Variants in PTPN12 observed in about 807,000 individuals in gnomAD.
The protein encoded by PTPN12 is tyrosine-protein phosphatase non-receptor type 12.
In PTPN12, 29 loss-of-function variants were observed where a neutral mutation model predicts 97.6. The ratio of observed to expected loss-of-function variants is 0.30; its 90% confidence interval spans 0.22 to 0.41. The LOEUF is 0.41. Ranked by LOEUF, PTPN12 falls within the 10% of genes least tolerant of loss-of-function variation. PTPN12 has a pLI of 1.00. For synonymous variants in PTPN12, 327 were observed against 300.4 expected (o/e 1.09, Z -0.91); for missense variants, 819 against 926.0 (o/e 0.88, Z 1.50).
intron 12 of PTPN12, 49 bp from the exon 13 acceptor site, chr7:77,626,656 A>T: frequency 6.6e-7 from 1 of 1,517,442 alleles, no homozygotes; most frequent in African/African-American, 1.4e-5. Flanking sequence ...CTCAGGTATC[A>T]ACTTGTTTAA....
intron 7 of PTPN12, 131 bp from the exon 8 acceptor site, chr7:77,600,533 T>C (rs1480875974): frequency 3.0e-6 from 2 of 676,748 alleles, no homozygotes; most frequent in East Asian, 2.8e-5. Context: ...TGGCTATTAT[T>C]TATTTGGGTT....
At position 77,625,468 on chromosome 7, in the gene PTPN12, G is replaced by GCTCGCTCT. The variant is rs1347237628; in HGVS notation, c.1026-1233_1026-1226dup. 2.0e-4 allele frequency among the ~76,000 whole-genome samples: 5 copies of GCTCGCTCT among 24,752 alleles called. 1 individual carries two copies. The highest frequency in any genetic ancestry group is 3.2e-4 in the Non-Finnish European group (5 of 15,582). 16.2% of individuals were successfully genotyped at this position (24,752 alleles called of 152,430 possible). On this transcript the variant is annotated intron_variant, in intron 12 of 17. Coordinates refer to ENST00000248594, the MANE Select transcript of PTPN12 (RefSeq NM_002835.4). Reference sequence around the variant, plus strand: ...AGGGTTTTGCCATATTGCCCAGGCTGCTCGCTCTCTCTCTCTCTCTCTCTC... The same window carrying GCTCGCTCT: ...AGGGTTTTGCCATATTGCCCAGGCTGCTCGCTCTCTCGCTCTCTCTCTCTCTCTCTCTC...
chr7:77,537,333 C>T lies in PTPN12; in HGVS notation c.-214C>T. ...CTCGCCTGGTACTGTGGGAGAGCGG[C>T]GGCTGCTCCTGGAAGTTGTGGTGTC... is the stretch of plus-strand genomic sequence containing the variant. On this transcript the variant is annotated 5_prime_UTR_variant, in exon 1 of 18. Coordinates refer to ENST00000248594, the MANE Select transcript of PTPN12 (RefSeq NM_002835.4). 2 of 506,050 alleles carry T rather than the reference C, an allele frequency of 4.0e-6. No individual in the cohort carries two copies. The highest frequency in any genetic ancestry group is 6.4e-6 in the Non-Finnish European group (2 of 313,484). The allele number at this position is 506,050 out of a possible 1,614,324, so 31.3% of individuals were successfully genotyped here.
chr7:77,586,492 G>C (rs1362622147), intron 5 of PTPN12, among the ~76,000 whole-genome samples: 1 of 152,174 alleles, frequency 6.6e-6, no homozygotes, highest in Non-Finnish European at 1.5e-5. Flanking sequence ...GTGGAGGTGG[G>C]AGGATCACTT....
intron 6 of PTPN12, among the ~76,000 whole-genome samples, chr7:77,597,396 T>TA (rs1788055693): frequency 6.6e-6 from 1 of 152,232 alleles, no homozygotes; most frequent in Non-Finnish European, 1.5e-5. Flanking sequence ...GTGCTGGAAT[T>TA]ACAGGCATGA....
intron 11 of PTPN12, among the ~76,000 whole-genome samples, chr7:77,614,436 G>A (rs1009988054): frequency 4.6e-5 from 7 of 152,122 alleles, no homozygotes; most frequent in African/African-American, 1.2e-4. Context: ...CTTTGTAGGA[G>A]ATGAGATGAA....
intron 12 of PTPN12, among the ~76,000 whole-genome samples, chr7:77,623,637 G>A (rs1260034655): frequency 6.6e-6 from 1 of 152,222 alleles, no homozygotes; most frequent in African/African-American, 2.4e-5. Context: ...CTTGAACCTG[G>A]GAGGCGGCGG....
At chr7:77,611,923 T>C (rs1483296150) in intron 11 of PTPN12, among the ~76,000 whole-genome samples, 1 of 152,108 alleles carries the variant, frequency 6.6e-6, no homozygotes, top group African/African-American at 2.4e-5. Context: ...CTTTGTTTTC[T>C]AACCAATTGT....
intron 1 of PTPN12, among the ~76,000 whole-genome samples, chr7:77,551,869 C>T (rs1388234434): frequency 1.3e-5 from 2 of 152,062 alleles, no homozygotes; most frequent in East Asian, 3.9e-4. Flanking sequence ...TATTTTGGTG[C>T]AAAACAAAAT....
chr7:77,600,226 A>G (rs2159794), intron 7 of PTPN12, among the ~76,000 whole-genome samples: 152,216 of 152,292 alleles, frequency 1, 76,070 homozygotes, highest in Middle Eastern at 1. Context: ...GATTACAATG[A>G]ATACTACTCT....
intron 1 of PTPN12, among the ~76,000 whole-genome samples, chr7:77,555,875 A>G (rs1218832141): frequency 6.6e-6 from 1 of 151,770 alleles, no homozygotes; most frequent in Non-Finnish European, 1.5e-5. Flanking sequence ...AGATCACACC[A>G]TTGCACTCCA....
intron 1 of PTPN12, among the ~76,000 whole-genome samples, chr7:77,538,260 C>A (rs1163597944): frequency 6.6e-6 from 1 of 152,096 alleles, no homozygotes; most frequent in Non-Finnish European, 1.5e-5. Context: ...TTTCCATTTA[C>A]CCGCGTCCCG....
intron 9 of PTPN12, among the ~76,000 whole-genome samples, chr7:77,609,734 C>T (rs1788499969): frequency 6.7e-6 from 1 of 150,116 alleles, no homozygotes; most frequent in Admixed American, 6.6e-5. Flanking sequence ...TAAAAAAAAT[C>T]GCCAGGCGTA....
At chr7:77,629,564 T>A (rs75840037) in intron 13 of PTPN12, among the ~76,000 whole-genome samples, 3,603 of 151,062 alleles carry the variant, frequency 0.024, 100 homozygotes, top group African/African-American at 0.07. Context: ...CTTTTTTTTT[T>A]AAAAAAAACC....
At chr7:77,539,363 A>G (rs2151291403) in intron 1 of PTPN12, among the ~76,000 whole-genome samples, 1 of 152,302 alleles carries the variant, frequency 6.6e-6, no homozygotes, top group South Asian at 2.1e-4. Context: ...TATTGCTTAT[A>G]TTTAAACATT....
chr7:77,614,048 A>C (rs908068692), intron 11 of PTPN12, among the ~76,000 whole-genome samples: 25 of 149,066 alleles, frequency 1.7e-4, no homozygotes, highest in African/African-American at 6.0e-4. Context: ...CATATACCAC[A>C]CCTAGCTAAT....
intron 16 of PTPN12, among the ~76,000 whole-genome samples, 167 bp from the exon 17 acceptor site, chr7:77,638,457 G>T (rs1021605964): frequency 3.9e-5 from 6 of 152,112 alleles, no homozygotes; most frequent in African/African-American, 1.4e-4. Flanking sequence ...ATGATTTTCT[G>T]TGCACACTAC....
chr7:77,547,976 G>A (rs547396572), intron 1 of PTPN12, among the ~76,000 whole-genome samples: 2 of 152,308 alleles, frequency 1.3e-5, no homozygotes, highest in South Asian at 4.1e-4. Flanking sequence ...GTGTTCCTGA[G>A]TGTTTTGATG....
intron 17 of PTPN12, chr7:77,638,954 C>A: frequency 1.2e-6 from 1 of 820,610 alleles, no homozygotes; most frequent in South Asian, 2.8e-5. Context: ...GTTGGAAAGA[C>A]TAAATTATCA....
Sources: allele counts gnomAD v4.1 joint callset (sites outside exome capture counted in the v4.1 genomes callset), GRCh38; gene constraint gnomAD v4.1.1; transcripts MANE v1.5; gene names NCBI Gene and HGNC (gene_info 2026-07-23, HGNC 2026-07-21).